Variants in ARHGEF26 observed in about 807,000 individuals in gnomAD.
ARHGEF26 encodes Rho guanine nucleotide exchange factor 26, also known as Rho guanine nucleotide exchange factor (GEF) 26.
Under a neutral mutation model 89.4 loss-of-function variants are expected in ARHGEF26, and 59 were observed. The observed-to-expected ratio is 0.66, with a 90% CI of 0.54 to 0.82. The LOEUF (loss-of-function observed/expected upper bound fraction) is 0.82, where lower values mean the gene tolerates loss of function less well. Ranked by LOEUF, ARHGEF26 falls within the 40% of genes least tolerant of loss-of-function variation. The probability of loss-of-function intolerance (pLI) is 0.00; values close to 1 mark genes in which losing one functional copy is unlikely to be tolerated. For synonymous variants in ARHGEF26, 500 were observed against 428.4 expected (o/e 1.17, Z -2.06); for missense variants, 1,234 against 1,085.6 (o/e 1.14, Z -1.92).
At chr3:154,203,721 G>A (rs1373716516) in intron 9 of ARHGEF26, among the ~76,000 whole-genome samples, 1 of 151,868 alleles carries the variant, frequency 6.6e-6, no homozygotes, top group Non-Finnish European at 1.5e-5. Context: ...TGCTTTTTCT[G>A]CACAATTGAA....
At chr3:154,167,142 G>T (rs946141559) in intron 6 of ARHGEF26, among the ~76,000 whole-genome samples, 8 of 152,190 alleles carry the variant, frequency 5.3e-5, no homozygotes, top group African/African-American at 1.2e-4. Context: ...GGACTTTATT[G>T]TGAAAATAGT....
chr3:154,140,588 CTTT>C (rs34090306), intron 4 of ARHGEF26, among the ~76,000 whole-genome samples: 7 of 134,904 alleles, frequency 5.2e-5, no homozygotes, highest in Admixed American at 7.5e-5. Context: ...TTTCTGAGTG[CTTT>C]TTTTTTTTTT....
intron 11 of ARHGEF26, among the ~76,000 whole-genome samples, chr3:154,232,546 G>T (rs2108270603): frequency 6.6e-6 from 1 of 152,224 alleles, no homozygotes; most frequent in African/African-American, 2.4e-5. Flanking sequence ...TGGTCCACTT[G>T]TGCATTTGCA....
intron 12 of ARHGEF26, 141 bp downstream of exon 12, chr3:154,240,720 G>C (rs889368871): frequency 3.0e-6 from 2 of 676,542 alleles, no homozygotes; most frequent in African/African-American, 3.6e-5. Flanking sequence ...CACTATGACT[G>C]GGTAATTTTT....
chr3:154,221,922 ATTTGGTT>A (rs1716154913), intron 10 of ARHGEF26, among the ~76,000 whole-genome samples: 1 of 152,126 alleles, frequency 6.6e-6, no homozygotes, highest in Non-Finnish European at 1.5e-5. Flanking sequence ...TTTTGGCCAT[ATTTGGTT>A]TATGGTATGG....
chr3:154,222,470 ACTTAC>A (rs560631545), intron 10 of ARHGEF26, among the ~76,000 whole-genome samples: 282 of 152,292 alleles, frequency 1.9e-3, no homozygotes, highest in African/African-American at 6.6e-3. Flanking sequence ...CTTGGGCATC[ACTTAC>A]CTTTTCATGT....
chr3:154,253,261 GT>G, intron 13 of ARHGEF26, 78 bp downstream of exon 13: 1 of 1,527,820 alleles, frequency 6.5e-7, no homozygotes, highest in Non-Finnish European at 9.0e-7. Flanking sequence ...TTACTAACGA[GT>G]TATATTGCCA....
At chr3:154,202,873 G>T (rs532579177) in intron 9 of ARHGEF26, among the ~76,000 whole-genome samples, 2 of 152,128 alleles carry the variant, frequency 1.3e-5, no homozygotes, top group South Asian at 2.1e-4. Flanking sequence ...CGCTGAAGTT[G>T]CCTATCAGCT....
intron 4 of ARHGEF26, among the ~76,000 whole-genome samples, chr3:154,149,055 C>T (rs1037586875): frequency 6.6e-6 from 1 of 152,032 alleles, no homozygotes; most frequent in Non-Finnish European, 1.5e-5. Context: ...CAGATCCTGG[C>T]CTTGTTACCT....
intron 9 of ARHGEF26, among the ~76,000 whole-genome samples, chr3:154,211,867 A>ATATGTGTG (rs112715929): frequency 1.3e-5 from 2 of 151,026 alleles, no homozygotes; most frequent in Non-Finnish European, 3.0e-5. Flanking sequence ...GTATATATAT[A>ATATGTGTG]TGTGTGTGTG....
chr3:154,179,836 T>G lies in ARHGEF26; in HGVS notation c.1488-7849T>G, dbSNP rs572789010. 2.6e-5 allele frequency among the ~76,000 whole-genome samples: 4 copies of G among 152,294 alleles called. No individual in the cohort carries two copies. In the South Asian group the frequency reaches 8.3e-4, roughly 32 times the overall value. On this transcript the variant is annotated intron_variant, in intron 6 of 14. Transcript: ENST00000465093. The stretch of plus-strand genomic sequence containing the variant: ...GACAGATTAAGAGGATGTATTAGTT[T>G]TCTATTGCTGCTATAACAAATTACA...
intron 6 of ARHGEF26, among the ~76,000 whole-genome samples, chr3:154,183,728 G>A (rs946697029): frequency 2.0e-5 from 3 of 152,112 alleles, no homozygotes; most frequent in African/African-American, 7.2e-5. Flanking sequence ...GAAGTAAGTA[G>A]CATAAACAGA....
chr3:154,255,911 A>C lies in ARHGEF26; in HGVS notation c.*438A>C. The C allele has an allele frequency of 3.0e-6, 3 of 988,758 alleles. No homozygotes were observed. Among genetic ancestry groups the C allele is most frequent in the Non-Finnish European group, 2.4e-6 (2 of 832,078 alleles). The allele number at this position is 988,758 out of a possible 1,614,324, so 61.2% of individuals were successfully genotyped here. On this transcript the variant is annotated 3_prime_UTR_variant, in exon 15 of 15. Transcript: ENST00000465093. ...ATCTGTAAAGAATGTCCAGTTTTGT[A>C]AATATTTCCCTGCCTTTTTTTTTCT... is the stretch of plus-strand genomic sequence containing the variant.
intron 6 of ARHGEF26, among the ~76,000 whole-genome samples, chr3:154,173,826 C>T (rs1712625189): frequency 6.6e-6 from 1 of 152,062 alleles, no homozygotes. Flanking sequence ...TTTAATGAGT[C>T]CCTAAAAACT....
intron 6 of ARHGEF26, among the ~76,000 whole-genome samples, chr3:154,186,836 G>T (rs1713581866): frequency 7.3e-6 from 1 of 136,840 alleles, no homozygotes; most frequent in African/African-American, 2.7e-5. Flanking sequence ...AAAATAATGT[G>T]ATTGTTTTTA....
chr3:154,240,605 G>C (rs1717432836), intron 12 of ARHGEF26, 26 bp downstream of exon 12: 1 of 1,569,176 alleles, frequency 6.4e-7, no homozygotes, highest in African/African-American at 1.3e-5. Context: ...GAAAAGATTG[G>C]AATAGCTGAT....
intron 10 of ARHGEF26, among the ~76,000 whole-genome samples, chr3:154,222,285 AT>A (rs1559909780): frequency 6.6e-6 from 1 of 151,880 alleles, no homozygotes; most frequent in Admixed American, 6.6e-5. Context: ...TTTATTTTTA[AT>A]TTTGCTTATG....
Position 154,257,219 on chromosome 3 carries a change from AC to A in ARHGEF26, c.*1748del. 1 of 318,956 alleles carries A rather than the reference AC, an allele frequency of 3.1e-6. No homozygotes were observed. The highest frequency in any genetic ancestry group is 5.7e-6 in the Non-Finnish European group (1 of 176,192). The allele number at this position is 318,956 out of a possible 1,614,324, so 19.8% of individuals were successfully genotyped here. Reference sequence around the variant, plus strand: ...GGATTGCTCTTTTTGACCTGTGCATACCTTCTAATTGTAAAATATATTTCAG... The same window carrying A: ...GGATTGCTCTTTTTGACCTGTGCATACTTCTAATTGTAAAATATATTTCAG... On this transcript the variant is annotated 3_prime_UTR_variant, in exon 15 of 15. Transcript: ENST00000465093.
intron 8 of ARHGEF26, among the ~76,000 whole-genome samples, chr3:154,193,454 T>C (rs189605123): frequency 5.4e-4 from 82 of 152,302 alleles, no homozygotes; most frequent in African/African-American, 1.9e-3. Context: ...ATGGCTTGGC[T>C]TGGTGCTTCT....
Sources: gnomAD v4.1 joint callset for allele counts (sites outside exome capture counted in the v4.1 genomes callset) on GRCh38, gnomAD v4.1.1 for gene constraint, MANE v1.5 for transcripts, NCBI Gene and HGNC (gene_info 2026-07-23, HGNC 2026-07-21) for gene names.